Variants in LANCL2 observed in about 807,000 individuals in gnomAD.
LANCL2 encodes the protein LanC like glutathione S-transferase 2.
In LANCL2, 33 loss-of-function variants were observed where a neutral mutation model predicts 56.9. The observed-to-expected ratio is 0.58, with a 90% CI of 0.44 to 0.78. The LOEUF is 0.78. Ranked by LOEUF, LANCL2 falls within the 30% of genes least tolerant of loss-of-function variation. The pLI is 0.00. For missense variants in LANCL2, 562 were observed against 580.2 expected (o/e 0.97, Z 0.32); for synonymous variants, 233 against 228.2 (o/e 1.02, Z -0.19).
At chr7:55,370,397 C>G (rs139344967) in intron 1 of LANCL2, among the ~76,000 whole-genome samples, 65 of 152,342 alleles carry the variant, frequency 4.3e-4, no homozygotes, top group African/African-American at 1.4e-3. Flanking sequence ...AGCCCACGCT[C>G]AAGTGGAGGG....
At chr7:55,406,113 G>A (rs766049218) in intron 5 of LANCL2, among the ~76,000 whole-genome samples, 8 of 152,196 alleles carry the variant, frequency 5.3e-5, no homozygotes, top group African/African-American at 1.4e-4. Flanking sequence ...CCAGGTGGCC[G>A]AATGTATGTG....
chr7:55,424,291 A>C (rs1018310384), intron 6 of LANCL2, among the ~76,000 whole-genome samples: 1 of 152,232 alleles, frequency 6.6e-6, no homozygotes, highest in African/African-American at 2.4e-5. Context: ...TCTTGCCTTC[A>C]CTGAGCCTGC....
intron 2 of LANCL2, among the ~76,000 whole-genome samples, chr7:55,392,908 T>A (rs897956299): frequency 2.0e-5 from 3 of 152,212 alleles, no homozygotes; most frequent in Non-Finnish European, 2.9e-5. Flanking sequence ...GTGAGTGGTC[T>A]CTCTGTTCTG....
At chr7:55,371,562 CT>C (rs1376831719) in intron 1 of LANCL2, among the ~76,000 whole-genome samples, 1 of 152,030 alleles carries the variant, frequency 6.6e-6, no homozygotes, top group Non-Finnish European at 1.5e-5. Context: ...TTTATTTCTG[CT>C]TTTGTGCCAT....
Position 55,370,562 on chromosome 7 carries a change from A to G in LANCL2, c.204+4333A>G, listed in dbSNP as rs529876269. On this transcript the variant is annotated intron_variant, in intron 1 of 8. Coordinates refer to ENST00000254770, the MANE Select transcript of LANCL2 (RefSeq NM_018697.4). ...TAGGTGTAGCCTCCAGAACCCTGCAATGAGTATTACAGTAAGTGACAATAT... is the reference window on the plus strand; with the variant it reads ...TAGGTGTAGCCTCCAGAACCCTGCAGTGAGTATTACAGTAAGTGACAATAT... Among the ~76,000 whole-genome samples, 12 of 152,324 alleles carry G rather than the reference A, an allele frequency of 7.9e-5. No homozygotes were observed. In the South Asian group the frequency reaches 2.5e-3, roughly 32 times the overall value.
chr7:55,425,285 C>T lies in LANCL2; in HGVS notation c.1040C>T (p.Ala347Val), dbSNP rs371240826. Residue 347 changes from alanine (A) to valine (V), a missense_variant, in exon 7 of 9, where the codon GCC (alanine) becomes GTC (valine). Ala to Val is a moderately conservative substitution (Grantham distance 64, BLOSUM62 0). Coordinates refer to ENST00000254770, the MANE Select transcript of LANCL2 (RefSeq NM_018697.4). Reference protein sequence around the residue: ...VFKEEKYLKEAMECSDVIWQR... With the variant: ...VFKEEKYLKEVMECSDVIWQR... The stretch of plus-strand genomic sequence containing the variant: ...AAGGAGGAGAAGTACTTGAAAGAGG[C>T]CATGGAGTGTAGCGATGTGATTTGG... 2 of 1,614,098 alleles carry T rather than the reference C, an allele frequency of 1.2e-6. No individual in the cohort carries two copies. The highest frequency in any genetic ancestry group is 1.7e-6 in the Non-Finnish European group (2 of 1,180,006).
At chr7:55,408,990 A>G (rs1043622420) in intron 5 of LANCL2, among the ~76,000 whole-genome samples, 17 of 151,906 alleles carry the variant, frequency 1.1e-4, no homozygotes, top group Admixed American at 2.0e-4. Context: ...AAAAAAAAAA[A>G]AAAAGAAAAG....
intron 2 of LANCL2, among the ~76,000 whole-genome samples, chr7:55,396,669 C>G (rs1790257033): frequency 6.6e-6 from 1 of 151,886 alleles, no homozygotes; most frequent in Non-Finnish European, 1.5e-5. Flanking sequence ...CCTAGTGCAA[C>G]GTGTCCGCCT....
At position 55,409,572 on chromosome 7, in the gene LANCL2, A is replaced by G. The variant is rs116834626; in HGVS notation, c.826-2335A>G. On this transcript the variant is annotated intron_variant, in intron 5 of 8. Transcript: ENST00000254770. ...TACCACAACAAGGGAGTACTCTAAG[A>G]AGGAGGATCAGATCCAGGGAAGAGG... 3.4e-3 allele frequency among the ~76,000 whole-genome samples: 523 copies of G among 152,260 alleles called. 1 individual carries two copies. The highest frequency in any genetic ancestry group is 0.012 in the African/African-American group (507 of 41,550).
At chr7:55,418,119 T>C (rs955910130) in intron 6 of LANCL2, among the ~76,000 whole-genome samples, 2 of 152,216 alleles carry the variant, frequency 1.3e-5, no homozygotes, top group Non-Finnish European at 2.9e-5. Flanking sequence ...GTTAAATTTA[T>C]TCCTAGATAT....
intron 6 of LANCL2, among the ~76,000 whole-genome samples, chr7:55,413,138 T>G (rs1040871645): frequency 6.6e-6 from 1 of 152,224 alleles, no homozygotes; most frequent in Non-Finnish European, 1.5e-5. Context: ...TGAAATGTAT[T>G]TTTTGAAAAT....
At chr7:55,420,063 C>CA (rs1044804304) in intron 6 of LANCL2, among the ~76,000 whole-genome samples, 21 of 150,922 alleles carry the variant, frequency 1.4e-4, no homozygotes, top group African/African-American at 4.1e-4. Context: ...GACCCTGTCT[C>CA]AAAAAAAACA....
chr7:55,406,258 C>T (rs780759943), intron 5 of LANCL2, among the ~76,000 whole-genome samples: 13 of 152,164 alleles, frequency 8.5e-5, no homozygotes, highest in Non-Finnish European at 1.9e-4. Context: ...ATTTTCCACC[C>T]TCTGAGTCAA....
chr7:55,425,079 G>A (rs760988100), intron 6 of LANCL2, among the ~76,000 whole-genome samples, 175 bp from the exon 7 acceptor site: 2 of 152,174 alleles, frequency 1.3e-5, no homozygotes, highest in Non-Finnish European at 2.9e-5. Flanking sequence ...TTGAGATTGC[G>A]AGATTCTATG....
intron 7 of LANCL2, among the ~76,000 whole-genome samples, chr7:55,426,374 TGTA>T (rs1484878337): frequency 3.3e-5 from 5 of 152,242 alleles, no homozygotes; most frequent in African/African-American, 1.2e-4. Context: ...TTTCACAAAA[TGTA>T]GTTGTGTGCA....
chr7:55,426,416 C>T (rs944491004), intron 7 of LANCL2, among the ~76,000 whole-genome samples: 1 of 152,230 alleles, frequency 6.6e-6, no homozygotes, highest in Non-Finnish European at 1.5e-5. Flanking sequence ...AGAAAATACA[C>T]TAAAGTGTGT....
rs1356773940 is a variant in LANCL2, at chr7:55,421,752, AG to A, written c.1009-3501del. Among the ~76,000 whole-genome samples, 8 of 152,294 alleles carry A rather than the reference AG, an allele frequency of 5.3e-5. No homozygotes were observed. In the East Asian group the frequency reaches 1.5e-3, roughly 29 times the overall value. On this transcript the variant is annotated intron_variant, in intron 6 of 8. Coordinates refer to ENST00000254770, the MANE Select transcript of LANCL2 (RefSeq NM_018697.4). ...CATAATCTCCTTAGAGTTAACACTG[AG>A]CCACTTCGCATAAACTGTAAGAAAC...
Position 55,371,909 on chromosome 7 carries a change from T to TTGTG in LANCL2, c.204+5696_204+5699dup, listed in dbSNP as rs144018831. Among the ~76,000 whole-genome samples, 823 of 150,936 alleles carry TTGTG rather than the reference T, an allele frequency of 5.5e-3. 4 individuals are homozygous for TTGTG. Among genetic ancestry groups the TTGTG allele is most frequent in the African/African-American group, 0.017 (716 of 41,206 alleles). On this transcript the variant is annotated intron_variant, in intron 1 of 8. Transcript: ENST00000254770. Reference sequence around the variant, plus strand: ...TTCTCTTTATTCAAAATGAACTAAATTGTGTGTGTGTGTGTGTGTCAGGTG... The same window carrying TTGTG: ...TTCTCTTTATTCAAAATGAACTAAATTGTGTGTGTGTGTGTGTGTGTGTCAGGTG...
Position 55,401,167 on chromosome 7 carries a change from T to G in LANCL2, c.679-7T>G. Reference sequence around the variant, plus strand: ...TTTAGATTTATGCTGTCTTGTTATCTCTGTAGGTAGTCAATGCTATTATTG... The same window carrying G: ...TTTAGATTTATGCTGTCTTGTTATCGCTGTAGGTAGTCAATGCTATTATTG... On this transcript the variant is annotated splice_region_variant and splice_polypyrimidine_tract_variant and intron_variant, in intron 4 of 8. Transcript: ENST00000254770. 6 of 1,613,474 alleles carry G rather than the reference T, an allele frequency of 3.7e-6. No individual in the cohort carries two copies. Among genetic ancestry groups the G allele is most frequent in the Non-Finnish European group, 5.1e-6 (6 of 1,179,460 alleles).
Sources: allele counts gnomAD v4.1 joint callset (sites outside exome capture counted in the v4.1 genomes callset), GRCh38; gene constraint gnomAD v4.1.1; transcripts MANE v1.5; gene names NCBI Gene and HGNC (gene_info 2026-07-23, HGNC 2026-07-21).